The following THRB variants were observed in gnomAD, a reference collection of about 807,000 sequenced individuals.
THRB encodes nuclear receptor subfamily 1 group A member 2.
Under a neutral mutation model 47.8 loss-of-function variants are expected in THRB, and 12 were observed. The observed-to-expected ratio is 0.25, with a 90% CI of 0.16 to 0.41. The LOEUF (loss-of-function observed/expected upper bound fraction) is 0.41, where lower values mean the gene tolerates loss of function less well. THRB is among the 10% of genes least tolerant of loss of function. The probability of loss-of-function intolerance (pLI) is 1.00; values close to 1 mark genes in which losing one functional copy is unlikely to be tolerated. For synonymous variants in THRB, 218 were observed against 212.2 expected, an observed-to-expected ratio of 1.03 and a Z score of -0.24; for missense variants, 348 against 589.2, an observed-to-expected ratio of 0.59 and a Z score of 4.24.
chr3:24,292,011 A>G (rs1471892978), intron 3 of THRB, among the ~76,000 whole-genome samples: 1 of 152,210 alleles, frequency 6.6e-6, no homozygotes, highest in Non-Finnish European at 1.5e-5. Context: ...ATTTTGGTAC[A>G]TCTAATCATT....
rs774228083 is a variant in THRB, at chr3:24,355,998, G to T, written c.-260-18627C>A. Among the ~76,000 whole-genome samples the T allele has an allele frequency of 2.9e-4, 44 of 152,234 alleles. No homozygotes were observed. In the Middle Eastern group the frequency reaches 0.01, roughly 35 times the overall value. ...AAATCAGATATGAGTGAGACTTGAGGTATGATTCATCCTGAGGCAGAATTC... is the reference window on the plus strand; with the variant it reads ...AAATCAGATATGAGTGAGACTTGAGTTATGATTCATCCTGAGGCAGAATTC... On this transcript the variant is annotated intron_variant, in intron 1 of 10. Coordinates refer to ENST00000646209, the MANE Select transcript of THRB (RefSeq NM_001354712.2).
intron 5 of THRB, among the ~76,000 whole-genome samples, chr3:24,180,960 G>T (rs1030410722): frequency 1.3e-5 from 2 of 152,108 alleles, no homozygotes; most frequent in Non-Finnish European, 2.9e-5. Flanking sequence ...ACACCTTCAG[G>T]GGAATAAGTT....
intron 1 of THRB, among the ~76,000 whole-genome samples, chr3:24,358,759 T>G (rs1231554925): frequency 1.3e-5 from 2 of 152,146 alleles, no homozygotes; most frequent in African/African-American, 2.4e-5. Flanking sequence ...AATTCTCGCA[T>G]GGTTATTTTT....
At chr3:24,288,594 TA>T (rs2055582335) in intron 3 of THRB, among the ~76,000 whole-genome samples, 1 of 152,214 alleles carries the variant, frequency 6.6e-6, no homozygotes, top group Non-Finnish European at 1.5e-5. Context: ...AGGATGTTTT[TA>T]CCGTGTTCCC....
chr3:24,495,426 C>CCCGAGT (rs1194385295), upstream of THRB: 1 of 153,336 alleles, frequency 6.5e-6, no homozygotes, highest in Non-Finnish European at 1.5e-5. Context: ...CGACCCCGAC[C>CCCGAGT]CCGAGTCCTA....
intron 3 of THRB, among the ~76,000 whole-genome samples, chr3:24,264,807 A>C (rs2052474379): frequency 1.3e-5 from 2 of 151,770 alleles, no homozygotes; most frequent in Admixed American, 1.3e-4. Context: ...AAAAAAAAAA[A>C]ACTGGACTTT....
chr3:24,330,475 C>T (rs574294110), intron 2 of THRB, among the ~76,000 whole-genome samples: 36 of 152,294 alleles, frequency 2.4e-4, no homozygotes, highest in African/African-American at 7.9e-4. Context: ...TTCAGATCTG[C>T]GGGTATTTGA....
intron 7 of THRB, among the ~76,000 whole-genome samples, chr3:24,145,614 C>T (rs900592560): frequency 2.0e-5 from 3 of 152,140 alleles, no homozygotes; most frequent in African/African-American, 7.2e-5. Flanking sequence ...GGGATTAACC[C>T]AGGATTTCCA....
At chr3:24,322,529 A>C (rs1484145869) in intron 2 of THRB, among the ~76,000 whole-genome samples, 3 of 152,176 alleles carry the variant, frequency 2.0e-5, no homozygotes, top group African/African-American at 7.2e-5. Context: ...CTTTTAGAGG[A>C]ACTCCTGAAA....
At chr3:24,325,874 A>G (rs997889905) in intron 2 of THRB, among the ~76,000 whole-genome samples, 2 of 152,206 alleles carry the variant, frequency 1.3e-5, no homozygotes, top group African/African-American at 4.8e-5. Flanking sequence ...AAATGATACC[A>G]AATTGCCTTC....
chr3:24,481,112 C>T (rs999258282), intron 1 of THRB, among the ~76,000 whole-genome samples: 1 of 151,794 alleles, frequency 6.6e-6, no homozygotes, highest in South Asian at 2.1e-4. Context: ...TGGATTTTTG[C>T]TAGGTTTCAT....
chr3:24,244,501 A>T (rs1047239245), intron 3 of THRB, among the ~76,000 whole-genome samples: 1 of 152,206 alleles, frequency 6.6e-6, no homozygotes, highest in Non-Finnish European at 1.5e-5. Flanking sequence ...CCTCAAGAGC[A>T]ATTTATTTGG....
At chr3:24,140,298 A>AT (rs1044066609) in intron 8 of THRB, among the ~76,000 whole-genome samples, 1 of 152,236 alleles carries the variant, frequency 6.6e-6, no homozygotes, top group Admixed American at 6.5e-5. Flanking sequence ...TTATTGCTGT[A>AT]TAACAAACTA....
chr3:24,285,843 G>A (rs1046278600), intron 3 of THRB, among the ~76,000 whole-genome samples: 2 of 152,092 alleles, frequency 1.3e-5, no homozygotes, highest in African/African-American at 4.8e-5. Flanking sequence ...TCACTTGGAG[G>A]GTTATGCCTT....
intron 10 of THRB, 84 bp downstream of exon 10, chr3:24,127,415 G>A (rs2033066685): frequency 2.8e-6 from 4 of 1,425,026 alleles, no homozygotes; most frequent in Non-Finnish European, 3.9e-6. Flanking sequence ...AGCTAAAGGG[G>A]GACTGAAAAC....
chr3:24,481,956 C>A lies in THRB; in HGVS notation c.-261+12696G>T, dbSNP rs151257446. 2.4e-3 allele frequency among the ~76,000 whole-genome samples: 370 copies of A among 152,116 alleles called. 1 individual carries two copies. The highest frequency in any genetic ancestry group is 8.4e-3 in the African/African-American group (348 of 41,482). Reference sequence around the variant, plus strand: ...AACCCTGAGGGATCATTAACTTGGACAACTGACCACAGAACACACATCTTT... The same window carrying A: ...AACCCTGAGGGATCATTAACTTGGAAAACTGACCACAGAACACACATCTTT... On this transcript the variant is annotated intron_variant, in intron 1 of 10. Coordinates refer to ENST00000646209, the MANE Select transcript of THRB (RefSeq NM_001354712.2).
chr3:24,434,490 C>G (rs2070745630), intron 1 of THRB, among the ~76,000 whole-genome samples: 1 of 152,188 alleles, frequency 6.6e-6, no homozygotes, highest in African/African-American at 2.4e-5. Context: ...AGCTCTCTTT[C>G]ATATCTCCAC....
chr3:24,233,560 G>GAAGAAAGAAAGAAAGAAAGAAAGA (rs769459380), intron 3 of THRB, among the ~76,000 whole-genome samples: 130 of 77,340 alleles, frequency 1.7e-3, no homozygotes, highest in Middle Eastern at 6.7e-3. Flanking sequence ...AAAGAAAAAG[G>GAAGAAAGAAAGAAAGAAAGAAAGA]AAGAAAGAAA....
chr3:24,340,573 G>C (rs904037667), intron 1 of THRB, among the ~76,000 whole-genome samples: 3 of 151,602 alleles, frequency 2.0e-5, no homozygotes, highest in African/African-American at 7.3e-5. Context: ...ACTTATTGAA[G>C]GCCAGTGAAG....
Sources: gnomAD v4.1 joint callset for allele counts (sites outside exome capture counted in the v4.1 genomes callset) on GRCh38, gnomAD v4.1.1 for gene constraint, MANE v1.5 for transcripts, NCBI Gene and HGNC (gene_info 2026-07-23, HGNC 2026-07-21) for gene names.